The following RDH13 variants were observed in gnomAD, a reference collection of about 807,000 sequenced individuals.
RDH13 encodes the protein retinol dehydrogenase 13 (all-trans and 9-cis).
A neutral mutation model predicts 28.3 loss-of-function variants in RDH13; 35 were observed. That is an observed-to-expected ratio of 1.24 (90% CI 0.95 to 1.64). The LOEUF is 1.64. Ranked by LOEUF, RDH13 falls within the 40% of genes most tolerant of loss-of-function variation. The pLI, the probability that RDH13 is intolerant of heterozygous loss-of-function variation, is 0.00. For synonymous variants in RDH13, 229 were observed against 198.5 expected, an observed-to-expected ratio of 1.15 and a Z score of -1.29; for missense variants, 514 against 446.3, an observed-to-expected ratio of 1.15 and a Z score of -1.37.
chr19:55,042,788 CTG>C (rs975250507), downstream of RDH13: 1 of 152,236 alleles, frequency 6.6e-6, no homozygotes, highest in African/African-American at 2.4e-5. Context: ...TGGTGTGATT[CTG>C]TTTCTCCAGA....
At chr19:55,064,915 G>A (rs1312861723), upstream of RDH13, among the ~76,000 whole-genome samples, 8 of 96,394 alleles carry the variant, frequency 8.3e-5, no homozygotes, top group Admixed American at 3.4e-4. Flanking sequence ...ACCCGGCCGG[G>A]AAGCTGTTTT....
At chr19:55,048,980 C>G (rs760506489) in intron 3 of RDH13, among the ~76,000 whole-genome samples, 2 of 152,110 alleles carry the variant, frequency 1.3e-5, no homozygotes, top group Non-Finnish European at 2.9e-5. Context: ...GACAGAGACA[C>G]ATGGGGAGAA....
chr19:55,066,406 C>T (rs1444192580), upstream of RDH13, among the ~76,000 whole-genome samples: 1 of 151,882 alleles, frequency 6.6e-6, no homozygotes, highest in Non-Finnish European at 1.5e-5. Context: ...CTCTCTCTGT[C>T]TCCTTTTCTC....
At position 55,063,045 on chromosome 19, in the gene RDH13, A is replaced by T. The variant is rs755885527; in HGVS notation, c.-13T>A. The T allele has an allele frequency of 3.0e-5, 37 of 1,241,832 alleles. No homozygotes were observed. Among genetic ancestry groups the T allele is most frequent in the South Asian group, 9.1e-5 (5 of 54,956 alleles). 76.9% of individuals were successfully genotyped at this position (1,241,832 alleles called of 1,614,324 possible). ...GGTAGCGGCTCATGCCGGGCCGGGG[A>T]CAGGCGTCAGGCGTCAGGGGTCGGC... On this transcript the variant is annotated 5_prime_UTR_variant, in exon 1 of 7. Coordinates refer to ENST00000415061, the MANE Select transcript of RDH13 (RefSeq NM_001145971.2).
Position 55,045,182 on chromosome 19 carries a change from C to T in RDH13, c.888G>A (p.Pro296=), listed in dbSNP as rs538620073. 28 of 1,613,540 alleles carry T rather than the reference C, an allele frequency of 1.7e-5. No homozygotes were observed. Among genetic ancestry groups the T allele is most frequent in the Admixed American group, 1.0e-4 (6 of 60,006 alleles). The change falls in exon 7 of 7, where the codon CCG becomes CCA. Residue 296 remains proline, a synonymous_variant. Transcript: ENST00000415061. ...KYFDGLKQKA[P]APEAEDEEVA... ...CCTCCTCATCCTCAGCCTCGGGGGCCGGGGCCTTCTGTTTGAGTCCATCGA... is the reference window on the plus strand; with the variant it reads ...CCTCCTCATCCTCAGCCTCGGGGGCTGGGGCCTTCTGTTTGAGTCCATCGA...
chr19:55,056,663 C>A lies in RDH13; in HGVS notation c.330G>T (p.Lys110Asn). Reference protein sequence around the residue: ...SLKSIREFAAKIIEEEERVDI... With the variant: ...SLKSIREFAANIIEEEERVDI... Reference sequence around the variant, plus strand: ...CCAGCGTTCTCCTACCTTCAATGATCTTTGCTGCAAACTCTCGGATAGACT... The same window carrying A: ...CCAGCGTTCTCCTACCTTCAATGATATTTGCTGCAAACTCTCGGATAGACT... The change falls in exon 3 of 7, where the codon AAG (lysine) becomes AAT (asparagine). Residue 110 changes from lysine (K) to asparagine (N), a missense_variant. Lys to Asn is a moderately conservative substitution (Grantham distance 94). Coordinates refer to ENST00000415061, the MANE Select transcript of RDH13 (RefSeq NM_001145971.2). 2 of 1,614,052 alleles carry A rather than the reference C, an allele frequency of 1.2e-6. No homozygotes were observed. The highest frequency in any genetic ancestry group is 1.7e-6 in the Non-Finnish European group (2 of 1,180,016).
intron 1 of RDH13, among the ~76,000 whole-genome samples, chr19:55,060,236 T>G (rs1671182): frequency 1.3e-5 from 2 of 148,996 alleles, no homozygotes; most frequent in African/African-American, 2.5e-5. Flanking sequence ...GTATAAAACC[T>G]GATTGTACAT....
At chr19:55,046,666 A>C (rs2075246091) in intron 6 of RDH13, 1 of 152,176 alleles carries the variant, frequency 6.6e-6, no homozygotes, top group Non-Finnish European at 1.5e-5. Flanking sequence ...TCACACCTGT[A>C]ATCCCAGCAC....
chr19:55,043,846 G>A (rs2075107728), downstream of RDH13, among the ~76,000 whole-genome samples: 1 of 152,038 alleles, frequency 6.6e-6, no homozygotes, highest in Non-Finnish European at 1.5e-5. Flanking sequence ...CAGCAGTCTT[G>A]TAAGATGCCC....
At chr19:55,068,935 GAAGGAAGGA>G (rs1568755247) in intron 1 of RDH13, 2 of 1,890 alleles carry the variant, frequency 1.1e-3, no homozygotes, top group Non-Finnish European at 3.6e-3. Context: ...AGGAAGGAAG[GAAGGAAGGA>G]AGGGGAGGGG....
At chr19:55,046,980 A>AC (rs960977470) in intron 6 of RDH13, 14 of 286,516 alleles carry the variant, frequency 4.9e-5, no homozygotes, top group Admixed American at 3.3e-4. Context: ...GTCTCGTATA[A>AC]CCCCCCCAGT....
intron 3 of RDH13, among the ~76,000 whole-genome samples, chr19:55,052,228 G>A (rs1398984699): frequency 1.3e-5 from 2 of 151,706 alleles, no homozygotes; most frequent in African/African-American, 2.4e-5. Context: ...GACCAACATG[G>A]TGAAACCCTG....
At chr19:55,063,158 TG>T, upstream of RDH13, 1 of 889,244 alleles carries the variant, frequency 1.1e-6, no homozygotes, top group Non-Finnish European at 1.5e-6. Flanking sequence ...CAGGCGCGGC[TG>T]GGCCCGCGTC....
chr19:55,054,966 C>A (rs1442281833), intron 3 of RDH13, among the ~76,000 whole-genome samples: 1 of 151,972 alleles, frequency 6.6e-6, no homozygotes, highest in Admixed American at 6.6e-5. Flanking sequence ...TACATGTCAA[C>A]TAAACAATAA....
chr19:55,052,273 T>C (rs1483710415), intron 3 of RDH13, among the ~76,000 whole-genome samples: 1 of 151,816 alleles, frequency 6.6e-6, no homozygotes, highest in East Asian at 2.0e-4. Context: ...CCGGGCATGG[T>C]GGCAGGTGCC....
At chr19:55,058,689 GTT>G (rs368154374) in intron 2 of RDH13, among the ~76,000 whole-genome samples, 170 of 144,906 alleles carry the variant, frequency 1.2e-3, no homozygotes, top group Middle Eastern at 7.0e-3. Flanking sequence ...GTTTTGCTTT[GTT>G]TTGTTTTGTT....
rs200753123 is a variant in RDH13 at position 55,049,047 on chromosome 19, GC to G, written c.341-285del. 7.4e-3 allele frequency among the ~76,000 whole-genome samples: 1,125 copies of G among 152,246 alleles called. 15 individuals carry two copies. The highest frequency in any genetic ancestry group is 0.025 in the African/African-American group (1,026 of 41,536). On this transcript the variant is annotated intron_variant, in intron 3 of 6. Transcript: ENST00000415061. ...AGGCACAGCTCCAAGGTGAGGGTGG[GC>G]CGCCCCCGCTGGAAGTGGAAGAGGC... is the stretch of plus-strand genomic sequence containing the variant.
At chr19:55,043,732 C>A (rs1033309310), downstream of RDH13, among the ~76,000 whole-genome samples, 1 of 152,068 alleles carries the variant, frequency 6.6e-6, no homozygotes, top group Non-Finnish European at 1.5e-5. Flanking sequence ...AATATGAAAA[C>A]ATGTTTTCTA....
chr19:55,059,010 G>A, intron 2 of RDH13, 147 bp downstream of exon 2: 1 of 629,718 alleles, frequency 1.6e-6, no homozygotes, highest in South Asian at 1.9e-5. Flanking sequence ...TGAATCATAT[G>A]CCCCTGTCTA....
Sources: allele counts gnomAD v4.1 joint callset (sites outside exome capture counted in the v4.1 genomes callset), GRCh38; gene constraint gnomAD v4.1.1; transcripts MANE v1.5; gene names NCBI Gene and HGNC (gene_info 2026-07-23, HGNC 2026-07-21).